C10orf71: variants seen among roughly 807,000 people sequenced by gnomAD.
C10orf71 encodes the protein chromosome 10 open reading frame 71.
For synonymous variants in C10orf71, 758 were observed against 726.3 expected, an observed-to-expected ratio of 1.04 and a Z score of -0.70; for missense variants, 1,869 against 1,804.5, an observed-to-expected ratio of 1.04 and a Z score of -0.65.
Position 49,326,520 on chromosome 10 carries a change from G to A in C10orf71, c.3975G>A (p.Pro1325=), listed in dbSNP as rs936455982. 4.5e-6 allele frequency: 7 copies of A among 1,550,292 alleles called. No individual in the cohort carries two copies. The highest frequency in any genetic ancestry group is 2.4e-5 in the South Asian group (2 of 84,044). The change falls in exon 3 of 3, where the codon CCG becomes CCA. Residue 1325 remains proline (P), a synonymous_variant. Coordinates refer to ENST00000374144, the MANE Select transcript of C10orf71 (RefSeq NM_001135196.2). ...SEGASPEPPP[P]DALAAPYVLY... ...GGGCCTCCCCAGAGCCGCCCCCACC[G>A]GACGCCCTGGCCGCTCCCTATGTGC...
chr10:49,323,567 G>C lies in C10orf71; in HGVS notation c.1022G>C (p.Gly341Ala). The stretch of plus-strand genomic sequence containing the variant: ...CAGGAAGAGAACAGACTTGCAGCAG[G>C]GGCTCTGTCCACATCTATACCCTGG... ...CSQEENRLAA[G>A]ALSTSIPWGC... The change falls in exon 3 of 3, where the codon GGG becomes GCG. Residue 341 changes from glycine to alanine, a missense_variant. Physicochemically the swap from Gly to Ala is moderately conservative, Grantham distance 60. Coordinates refer to ENST00000374144, the MANE Select transcript of C10orf71 (RefSeq NM_001135196.2). 1.2e-6 allele frequency: 2 copies of C among 1,605,420 alleles called. No individual in the cohort carries two copies. The highest frequency in any genetic ancestry group is 1.7e-6 in the Non-Finnish European group (2 of 1,175,056).
chr10:49,302,372 G>A (rs1848743334), intron 1 of C10orf71, among the ~76,000 whole-genome samples: 1 of 152,224 alleles, frequency 6.6e-6, no homozygotes, highest in African/African-American at 2.4e-5. Context: ...GAAGACTGCA[G>A]AGGTCAAGGG....
intron 1 of C10orf71, among the ~76,000 whole-genome samples, chr10:49,312,750 T>A (rs1408957588): frequency 6.6e-6 from 1 of 152,176 alleles, no homozygotes; most frequent in African/African-American, 2.4e-5. Context: ...TTGTCAACAG[T>A]CTCTAAGAAC....
At position 49,324,332 on chromosome 10, in the gene C10orf71, C is replaced by G. The variant is rs1241562928; in HGVS notation, c.1787C>G (p.Thr596Ser). The G allele has an allele frequency of 6.2e-7, 1 of 1,613,844 alleles. No homozygotes were observed. The change falls in exon 3 of 3, where the codon ACT (threonine) becomes AGT (serine). Residue 596 changes from threonine to serine, a missense_variant. Physicochemically the swap from Thr to Ser is moderately conservative, Grantham distance 58. Transcript: ENST00000374144. ...DSYLTLSTAP[T>S]IAKAPFYVNG... The stretch of plus-strand genomic sequence containing the variant: ...TATCTAACTCTTAGCACAGCTCCGA[C>G]TATCGCCAAAGCCCCCTTCTATGTC...
At chr10:49,303,359 A>C (rs1046089312) in intron 1 of C10orf71, among the ~76,000 whole-genome samples, 1 of 152,192 alleles carries the variant, frequency 6.6e-6, no homozygotes, top group African/African-American at 2.4e-5. Context: ...GCTCAGGACA[A>C]GGGCAGACAT....
At chr10:49,319,575 G>A (rs949232003) in intron 2 of C10orf71, among the ~76,000 whole-genome samples, 1 of 151,636 alleles carries the variant, frequency 6.6e-6, no homozygotes, top group African/African-American at 2.4e-5. Context: ...ACCTACATTT[G>A]TGGCAACATT....
At chr10:49,307,196 G>A (rs1331819733) in intron 1 of C10orf71, among the ~76,000 whole-genome samples, 1 of 152,224 alleles carries the variant, frequency 6.6e-6, no homozygotes, top group African/African-American at 2.4e-5. Flanking sequence ...AGCTCACAAG[G>A]AGACGCCAAG....
In C10orf71 at chr10:49,326,369, A is replaced by G; in HGVS notation, c.3824A>G (p.Lys1275Arg). Residue 1275 changes from lysine (K) to arginine (R), a missense_variant, in exon 3 of 3, where the codon AAG becomes AGG. By Grantham distance (26) the Lys-to-Arg change is conservative. Coordinates refer to ENST00000374144, the MANE Select transcript of C10orf71 (RefSeq NM_001135196.2). ...TPLPAYPATQ[K>R]VLQDPQSGEY... is the part of the protein sequence containing the mutation. ...CTGCCCGCGTACCCCGCCACCCAGA[A>G]GGTCCTCCAGGATCCGCAGTCCGGG... is the stretch of plus-strand genomic sequence containing the variant. 1 of 1,550,464 alleles carries G rather than the reference A, an allele frequency of 6.4e-7. No homozygotes were observed. The highest frequency in any genetic ancestry group is 8.7e-7 in the Non-Finnish European group (1 of 1,146,866).
chr10:49,301,847 G>A (rs117573701), intron 1 of C10orf71, among the ~76,000 whole-genome samples: 10 of 152,322 alleles, frequency 6.6e-5, no homozygotes, highest in African/African-American at 9.6e-5. Flanking sequence ...GGAAAGGGAC[G>A]TTCTTCTGGG....
chr10:49,305,684 T>C (rs2132402632), intron 1 of C10orf71, among the ~76,000 whole-genome samples: 1 of 152,286 alleles, frequency 6.6e-6, no homozygotes, highest in East Asian at 1.9e-4. Flanking sequence ...GGGTGGGGTC[T>C]CCTCCCCTCC....
chr10:49,305,418 C>A (rs1048099716), intron 1 of C10orf71, among the ~76,000 whole-genome samples: 2 of 152,150 alleles, frequency 1.3e-5, no homozygotes, highest in African/African-American at 4.8e-5. Context: ...CTGTAAAGAA[C>A]AAGAGTAACT....
chr10:49,319,682 C>CTATATA (rs60174377), intron 2 of C10orf71, among the ~76,000 whole-genome samples: 45 of 117,690 alleles, frequency 3.8e-4, no homozygotes, highest in African/African-American at 7.7e-4. Context: ...CACACACAAG[C>CTATATA]TATATATATA....
At chr10:49,317,564 A>T (rs117510622) in intron 2 of C10orf71, among the ~76,000 whole-genome samples, 23 of 152,300 alleles carry the variant, frequency 1.5e-4, no homozygotes, top group Non-Finnish European at 2.5e-4. Context: ...AAAAGGGAAA[A>T]TTTGGGCAGA....
chr10:49,319,190 C>A (rs972868969), intron 2 of C10orf71, among the ~76,000 whole-genome samples: 3 of 152,162 alleles, frequency 2.0e-5, no homozygotes, highest in Admixed American at 6.5e-5. Flanking sequence ...ATTCTCTTAT[C>A]CCCTCCCCCA....
rs753304372 is a variant in C10orf71, at chr10:49,324,849, T to A, written c.2304T>A (p.Asp768Glu). ...KDVSAGDSQK[D>E]EKENVMRKDE... ...TGAGTGCAGGTGACAGTCAGAAGGA[T>A]GAGAAGGAGAATGTGATGCGGAAGG... Residue 768 changes from aspartate (D) to glutamate (E), a missense_variant, in exon 3 of 3, where the codon GAT becomes GAA. By Grantham distance (45) the Asp-to-Glu change is conservative (BLOSUM62 2). Coordinates refer to ENST00000374144, the MANE Select transcript of C10orf71 (RefSeq NM_001135196.2). 1.3e-6 allele frequency: 2 copies of A among 1,551,700 alleles called. No homozygotes were observed. The highest frequency in any genetic ancestry group is 4.9e-5 in the East Asian group (2 of 40,910).
chr10:49,314,620 G>T (rs1344894215), intron 1 of C10orf71, among the ~76,000 whole-genome samples: 1 of 152,154 alleles, frequency 6.6e-6, no homozygotes. Flanking sequence ...CAAAATAAAT[G>T]CCATTATGTC....
At chr10:49,315,143 TGGTGGTAG>T (rs1848978808) in intron 1 of C10orf71, among the ~76,000 whole-genome samples, 1 of 152,318 alleles carries the variant, frequency 6.6e-6, no homozygotes, top group East Asian at 1.9e-4. Flanking sequence ...CCTCGCCGTA[TGGTGGTAG>T]ACACAGAGCA....
At chr10:49,322,212 G>A (rs1271353136) in intron 2 of C10orf71, among the ~76,000 whole-genome samples, 190 bp from the exon 3 acceptor site, 1 of 152,142 alleles carries the variant, frequency 6.6e-6, no homozygotes, top group African/African-American at 2.4e-5. Context: ...ACTGATTTTA[G>A]TGTTAATCAC....
intron 2 of C10orf71, among the ~76,000 whole-genome samples, chr10:49,321,891 A>G (rs1318233833): frequency 6.6e-6 from 1 of 152,162 alleles, no homozygotes; most frequent in Non-Finnish European, 1.5e-5. Flanking sequence ...CCATTTTTAA[A>G]TCAGCGGGTT....
Sources: gnomAD v4.1 joint callset for allele counts (sites outside exome capture counted in the v4.1 genomes callset) on GRCh38, gnomAD v4.1.1 for gene constraint, MANE v1.5 for transcripts, NCBI Gene and HGNC (gene_info 2026-07-23, HGNC 2026-07-21) for gene names.